The following ZNF678 variants were observed in gnomAD, a reference collection of about 807,000 sequenced individuals.
ZNF678 encodes zinc finger protein 678.
A neutral mutation model predicts 3.0 loss-of-function variants in ZNF678; 5 were observed. The ratio of observed to expected loss-of-function variants is 1.69; its 90% CI spans 0.88 to 3.56. ZNF678 has a LOEUF of 3.56. Ranked by LOEUF, ZNF678 falls within the 30% of genes most tolerant of loss-of-function variation. ZNF678 has a pLI of 0.00. For synonymous variants in ZNF678, 218 were observed against 199.6 expected (o/e 1.09, Z -0.78); for missense variants, 593 against 605.0 (o/e 0.98, Z 0.21).
chr1:227,607,201 C>G (rs778884912), intron 1 of ZNF678, among the ~76,000 whole-genome samples: 1 of 152,052 alleles, frequency 6.6e-6, no homozygotes, highest in African/African-American at 2.4e-5. Context: ...TAATTTTTGT[C>G]TTCATATACG....
intron 1 of ZNF678, among the ~76,000 whole-genome samples, chr1:227,588,067 G>A (rs1188921384): frequency 6.6e-6 from 1 of 151,946 alleles, no homozygotes; most frequent in Non-Finnish European, 1.5e-5. Context: ...CCACTTATAA[G>A]TGAGAACCTG....
intron 1 of ZNF678, among the ~76,000 whole-genome samples, chr1:227,642,437 C>T (rs1176524230): frequency 6.6e-6 from 1 of 152,064 alleles, no homozygotes; most frequent in Non-Finnish European, 1.5e-5. Context: ...AGGTCAGCAC[C>T]ACAAAAATGC....
chr1:227,666,946 A>C (rs1353832628), downstream of ZNF678, among the ~76,000 whole-genome samples: 1 of 151,068 alleles, frequency 6.6e-6, no homozygotes, highest in African/African-American at 2.4e-5. Context: ...GGGTTTCACC[A>C]TATTGGTCAG....
At chr1:227,664,042 C>T (rs1450787924), downstream of ZNF678, among the ~76,000 whole-genome samples, 2 of 152,172 alleles carry the variant, frequency 1.3e-5, no homozygotes, top group East Asian at 1.9e-4. Flanking sequence ...GCAGCTAGGC[C>T]AAGAGGCATC....
chr1:227,584,218 G>T (rs1277858298), intron 1 of ZNF678, among the ~76,000 whole-genome samples: 1 of 152,132 alleles, frequency 6.6e-6, no homozygotes, highest in African/African-American at 2.4e-5. Flanking sequence ...AAGGCCTAAA[G>T]CAGTCAACAG....
chr1:227,654,654 A>G lies in ZNF678; in HGVS notation c.404A>G (p.Asn135Ser), dbSNP rs1400260913. The G allele has an allele frequency of 1.9e-6, 3 of 1,613,020 alleles. No homozygotes were observed. The highest frequency in any genetic ancestry group is 1.7e-5 in the Admixed American group (1 of 59,860). ...YKCEECGKVF[N>S]RCSNLTKHKR... ...TGTGAAGAATGTGGCAAAGTTTTCAATCGATGTTCAAACCTAACAAAACAT... is the reference window on the plus strand; with the variant it reads ...TGTGAAGAATGTGGCAAAGTTTTCAGTCGATGTTCAAACCTAACAAAACAT... The change falls in exon 4 of 4, where the codon AAT (asparagine) becomes AGT (serine). Residue 135 changes from asparagine to serine, a missense_variant. By Grantham distance (46) the Asn-to-Ser change is conservative. Coordinates refer to ENST00000343776, the MANE Select transcript of ZNF678 (RefSeq NM_001367909.1).
chr1:227,603,650 T>A (rs755820535), intron 1 of ZNF678, among the ~76,000 whole-genome samples: 3 of 152,202 alleles, frequency 2.0e-5, no homozygotes, highest in Non-Finnish European at 4.4e-5. Context: ...TTCTGCTGCT[T>A]CATGCCAGCT....
At chr1:227,621,412 T>G (rs145392015) in intron 1 of ZNF678, among the ~76,000 whole-genome samples, 151 of 152,350 alleles carry the variant, frequency 9.9e-4, no homozygotes, top group African/African-American at 3.4e-3. Context: ...GGGCAGTGAC[T>G]CATGCAGTGA....
In ZNF678 at chr1:227,563,736, CG is replaced by C; in HGVS notation, c.-164+15del. On this transcript the variant is annotated intron_variant, in intron 1 of 3. Transcript: ENST00000343776. ...AAAGCCGGAAAACGGTGAGAGTTCC[CG>C]GGAGGGTGTTCCAAGATGGCGGTCC... 1 of 1,318,344 alleles carries C rather than the reference CG, an allele frequency of 7.6e-7. No individual in the cohort carries two copies. Among genetic ancestry groups the C allele is most frequent in the Non-Finnish European group, 1.0e-6 (1 of 995,722 alleles). The allele number at this position is 1,318,344 out of a possible 1,614,324, so 81.7% of individuals were successfully genotyped here.
intron 1 of ZNF678, among the ~76,000 whole-genome samples, chr1:227,644,392 G>C (rs1375808421): frequency 6.6e-6 from 1 of 152,178 alleles, no homozygotes; most frequent in Non-Finnish European, 1.5e-5. Flanking sequence ...TGCACAAGTT[G>C]TTTCCCAAAT....
rs913263832 is a variant in ZNF678, at chr1:227,638,636, G to A, written c.-163-7908G>A. The stretch of plus-strand genomic sequence containing the variant: ...AGGTTGGAGGAGTAGAAGAAAGTTA[G>A]AAGTACCACAGGGGTCTAGGTGGAT... On this transcript the variant is annotated intron_variant, in intron 1 of 3. Transcript: ENST00000343776. This position sits in a 1 kb window ranked among gnomAD's most constrained non-coding sequence, Gnocchi z 4.2. Among the ~76,000 whole-genome samples, 6 of 152,134 alleles carry A rather than the reference G, an allele frequency of 3.9e-5. No individual in the cohort carries two copies. The highest frequency in any genetic ancestry group is 8.8e-5 in the Non-Finnish European group (6 of 68,026).
intron 1 of ZNF678, among the ~76,000 whole-genome samples, chr1:227,631,037 G>A (rs1380536636): frequency 2.0e-5 from 3 of 152,094 alleles, no homozygotes; most frequent in Non-Finnish European, 4.4e-5. Context: ...AGGCAGTGCT[G>A]CAGAGGAATA....
intron 1 of ZNF678, among the ~76,000 whole-genome samples, chr1:227,606,508 C>T (rs982113323): frequency 3.9e-5 from 6 of 152,230 alleles, no homozygotes; most frequent in African/African-American, 1.4e-4. Flanking sequence ...GGAGACATTC[C>T]ATTCCCAGGG....
At chr1:227,672,843 C>A (rs975775874) in intron 5 of ZNF678, among the ~76,000 whole-genome samples, 25 of 152,138 alleles carry the variant, frequency 1.6e-4, no homozygotes, top group Non-Finnish European at 3.2e-4. Context: ...AACCCCTGCC[C>A]AAAGTCTTGT....
At chr1:227,672,146 A>T (rs768184777) in intron 5 of ZNF678, among the ~76,000 whole-genome samples, 2 of 152,240 alleles carry the variant, frequency 1.3e-5, no homozygotes, top group Non-Finnish European at 2.9e-5. Context: ...TTTGATGTAC[A>T]GGCTTAATTT....
At position 227,650,960 on chromosome 1, in the gene ZNF678, T is replaced by TC; in HGVS notation, c.-30dup. On this transcript the variant is annotated 5_prime_UTR_variant, in exon 3 of 4. An upstream open reading frame in the 5' UTR loses its in-frame stop. Transcript: ENST00000343776. Reference sequence around the variant, plus strand: ...TTGCCTAATTGTTCTGTCTAGGACTTCCAGGACTATGTTAAAATAGAAGCA... The same window carrying TC: ...TTGCCTAATTGTTCTGTCTAGGACTTCCCAGGACTATGTTAAAATAGAAGCA... 1.5e-5 allele frequency: 24 copies of TC among 1,609,502 alleles called. No individual in the cohort carries two copies. The highest frequency in any genetic ancestry group is 2.0e-5 in the Non-Finnish European group (24 of 1,178,256).
Position 227,563,775 on chromosome 1 carries a change from T to C in ZNF678, c.-164+51T>C, listed in dbSNP as rs949152476. Reference sequence around the variant, plus strand: ...AAGATGGCGGTCCGGCCTCCCGGCGTCAGCACTAGAGTCCGCGGCCCGGAG... The same window carrying C: ...AAGATGGCGGTCCGGCCTCCCGGCGCCAGCACTAGAGTCCGCGGCCCGGAG... On this transcript the variant is annotated intron_variant, in intron 1 of 3. Coordinates refer to ENST00000343776, the MANE Select transcript of ZNF678 (RefSeq NM_001367909.1). The C allele has an allele frequency of 1.5e-5, 19 of 1,302,786 alleles. No individual in the cohort carries two copies. In the African/African-American group the frequency reaches 2.7e-4, roughly 19 times the overall value. 80.7% of individuals were successfully genotyped at this position (1,302,786 alleles called of 1,614,324 possible).
chr1:227,606,766 A>G (rs1266809936), intron 1 of ZNF678, among the ~76,000 whole-genome samples: 1 of 152,116 alleles, frequency 6.6e-6, no homozygotes, highest in African/African-American at 2.4e-5. Context: ...TAGAGAATGG[A>G]GAATGGCAAT....
At chr1:227,636,754 A>T (rs563123427) in intron 1 of ZNF678, among the ~76,000 whole-genome samples, 5 of 152,274 alleles carry the variant, frequency 3.3e-5, no homozygotes, top group African/African-American at 9.6e-5. Context: ...ACCCTGGTGC[A>T]GTAGACCCAG....
Sources: gnomAD v4.1 joint callset for allele counts (sites outside exome capture counted in the v4.1 genomes callset) on GRCh38, gnomAD v4.1.1 for gene constraint, Gnocchi (gnomAD v3.1) non-coding constraint, MANE v1.5 for transcripts, NCBI Gene and HGNC (gene_info 2026-07-23, HGNC 2026-07-21) for gene names.